Variants in EPB41L5 observed in about 807,000 individuals in gnomAD.
The protein encoded by EPB41L5 is band 4.1-like protein 5.
A neutral mutation model predicts 106.6 loss-of-function variants in EPB41L5; 55 were observed. The observed-to-expected ratio is 0.52, with a 90% CI of 0.42 to 0.65. The LOEUF (loss-of-function observed/expected upper bound fraction) is 0.65. EPB41L5 is among the 30% of genes least tolerant of loss of function. The probability of loss-of-function intolerance (pLI) is 0.00; values close to 1 mark genes in which losing one functional copy is unlikely to be tolerated. For synonymous variants in EPB41L5, 297 were observed against 306.7 expected, an observed-to-expected ratio of 0.97 and a Z score of 0.33; for missense variants, 871 against 882.1, an observed-to-expected ratio of 0.99 and a Z score of 0.16.
chr2:120,128,335 G>A (rs1218056098), intron 17 of EPB41L5, among the ~76,000 whole-genome samples: 2 of 151,124 alleles, frequency 1.3e-5, no homozygotes, highest in African/African-American at 4.9e-5. Context: ...CATTGAAAAT[G>A]TCTATGTATT....
In EPB41L5 at chr2:120,176,059, A is replaced by G. The variant is rs759639298; in HGVS notation, c.*1152A>G. ...CTTCCCCATCCCTTTGGGCCTGTAC[A>G]AAGAAATTCTGGATGTTAAAATAAT... On this transcript the variant is annotated 3_prime_UTR_variant, in exon 25 of 25. Transcript: ENST00000263713. 3 of 152,652 alleles carry G rather than the reference A, an allele frequency of 2.0e-5. No homozygotes were observed. The highest frequency in any genetic ancestry group is 4.4e-5 in the Non-Finnish European group (3 of 68,034). 9.5% of individuals were successfully genotyped at this position (152,652 alleles called of 1,614,324 possible).
At chr2:120,125,937 G>A (rs1302739148) in intron 16 of EPB41L5, among the ~76,000 whole-genome samples, 1 of 152,108 alleles carries the variant, frequency 6.6e-6, no homozygotes, top group East Asian at 1.9e-4. Flanking sequence ...CTAGCTTCTG[G>A]TGGTTTGCTG....
At chr2:120,057,779 G>A (rs1252527977) in intron 3 of EPB41L5, among the ~76,000 whole-genome samples, 2 of 151,636 alleles carry the variant, frequency 1.3e-5, no homozygotes, top group Non-Finnish European at 2.9e-5. Flanking sequence ...AGTACATGTA[G>A]CAAAGCCACC....
intron 18 of EPB41L5, among the ~76,000 whole-genome samples, chr2:120,132,535 G>T (rs1052900928): frequency 5.9e-5 from 9 of 152,062 alleles, no homozygotes; most frequent in Admixed American, 1.3e-4. Context: ...TCTCGCACTC[G>T]CACTGTTATG....
chr2:120,131,643 C>G lies in EPB41L5; in HGVS notation c.1527C>G (p.Leu509=), dbSNP rs544634225. 6.2e-7 allele frequency: 1 copy of G among 1,613,464 alleles called. No homozygotes were observed. Among genetic ancestry groups the G allele is most frequent in the Non-Finnish European group, 8.5e-7 (1 of 1,179,762 alleles). ...CATTAAAAGACACCTCAGAGAAGCT[C>G]AAACAGCTTGAGATGGAGAACAGTC... is the stretch of plus-strand genomic sequence containing the variant. ...YETLKDTSEK[L]KQLEMENSPL... is the part of the protein sequence containing the mutation. Residue 509 remains leucine (L), a synonymous_variant, in exon 18 of 25, where the codon CTC becomes CTG. Transcript: ENST00000263713.
intron 2 of EPB41L5, among the ~76,000 whole-genome samples, chr2:120,029,936 G>A (rs1222270777): frequency 1.3e-5 from 2 of 152,150 alleles, no homozygotes; most frequent in Non-Finnish European, 2.9e-5. Context: ...AGTTATTGAC[G>A]GCTTTTTCCA....
At chr2:120,157,141 A>G (rs1210640247) in intron 20 of EPB41L5, among the ~76,000 whole-genome samples, 1 of 152,190 alleles carries the variant, frequency 6.6e-6, no homozygotes, top group Admixed American at 6.5e-5. Flanking sequence ...AATTCTCTCA[A>G]AACCATACAG....
At chr2:120,105,919 A>G in intron 16 of EPB41L5, 2 of 985,390 alleles carry the variant, frequency 2.0e-6, no homozygotes, top group Non-Finnish European at 2.4e-6. Flanking sequence ...ATCATTAAAA[A>G]AAGTACTGTT....
chr2:120,060,067 C>T (rs1680930559), intron 3 of EPB41L5, among the ~76,000 whole-genome samples: 1 of 152,198 alleles, frequency 6.6e-6, no homozygotes, highest in African/African-American at 2.4e-5. Context: ...GATGTTTTCA[C>T]TACACATCTA....
In EPB41L5 at chr2:120,168,018, T is replaced by G. The variant is rs1206747508; in HGVS notation, c.2135+11T>G. ...AGATGCTGTGACCAGGTGAGAAAAT[T>G]ATTTCTCATTTGCAGTTCTTAGGCA... On this transcript the variant is annotated intron_variant, in intron 24 of 24. Transcript: ENST00000263713. 6.2e-7 allele frequency: 1 copy of G among 1,613,646 alleles called. No homozygotes were observed. Among genetic ancestry groups the G allele is most frequent in the Non-Finnish European group, 8.5e-7 (1 of 1,179,712 alleles).
chr2:120,058,563 A>T (rs1361099407), intron 3 of EPB41L5, among the ~76,000 whole-genome samples: 1 of 152,164 alleles, frequency 6.6e-6, no homozygotes, highest in Non-Finnish European at 1.5e-5. Flanking sequence ...ACTGTAGAGG[A>T]TCAAAAAGGA....
intron 18 of EPB41L5, 49 bp from the exon 19 acceptor site, chr2:120,142,954 T>A: frequency 6.6e-7 from 1 of 1,516,810 alleles, no homozygotes; most frequent in Non-Finnish European, 9.1e-7. Context: ...TATTTCCATA[T>A]AACTATAGTG....
chr2:120,110,497 C>T (rs1022274725), intron 16 of EPB41L5, among the ~76,000 whole-genome samples: 1 of 152,178 alleles, frequency 6.6e-6, no homozygotes, highest in African/African-American at 2.4e-5. Flanking sequence ...ATCCAACTGC[C>T]TATCTGACAT....
chr2:120,129,981 A>G (rs1685623370), intron 17 of EPB41L5, among the ~76,000 whole-genome samples: 1 of 152,192 alleles, frequency 6.6e-6, no homozygotes, highest in South Asian at 2.1e-4. Flanking sequence ...CCCAGTCTCT[A>G]CTAAAAGTAC....
At chr2:120,149,370 T>A (rs1282413007) in intron 20 of EPB41L5, among the ~76,000 whole-genome samples, 1 of 152,192 alleles carries the variant, frequency 6.6e-6, no homozygotes, top group African/African-American at 2.4e-5. Flanking sequence ...GCTCTTTAAC[T>A]GTAACCCCAT....
intron 17 of EPB41L5, among the ~76,000 whole-genome samples, chr2:120,130,147 A>G (rs1186618942): frequency 2.6e-5 from 4 of 151,632 alleles, no homozygotes; most frequent in African/African-American, 9.7e-5. Context: ...CCATCTCAAA[A>G]AAAAAAAAAA....
At chr2:120,144,354 G>A (rs570337945) in intron 19 of EPB41L5, among the ~76,000 whole-genome samples, 1 of 152,226 alleles carries the variant, frequency 6.6e-6, no homozygotes, top group African/African-American at 2.4e-5. Context: ...TCAGCCCCCA[G>A]AACTGTGAGG....
chr2:120,026,992 A>G (rs1187400116), intron 2 of EPB41L5, among the ~76,000 whole-genome samples: 3 of 152,234 alleles, frequency 2.0e-5, no homozygotes, highest in Non-Finnish European at 4.4e-5. Context: ...GAAATGCAAA[A>G]TAAAACCACA....
intron 7 of EPB41L5, among the ~76,000 whole-genome samples, chr2:120,076,251 A>T (rs1299435107): frequency 6.6e-6 from 1 of 152,020 alleles, no homozygotes; most frequent in Non-Finnish European, 1.5e-5. Context: ...ATTTTGGAAG[A>T]CAGGGACTAT....
Sources: allele counts gnomAD v4.1 joint callset (sites outside exome capture counted in the v4.1 genomes callset), GRCh38; gene constraint gnomAD v4.1.1; transcripts MANE v1.5; gene names NCBI Gene and HGNC (gene_info 2026-07-23, HGNC 2026-07-21).